NKAIN2: variants seen among roughly 807,000 people sequenced by gnomAD.
NKAIN2 encodes sodium/potassium-transporting ATPase subunit beta-1-interacting protein 2.
NKAIN2 carries 14 observed loss-of-function variants against 32.6 expected under a neutral mutation model. That is an observed-to-expected ratio of 0.43 (90% CI 0.28 to 0.67). The LOEUF is 0.67. NKAIN2 is among the 30% of genes least tolerant of loss of function. The pLI, the probability that NKAIN2 is intolerant of heterozygous loss-of-function variation, is 0.17. For synonymous variants in NKAIN2, 80 were observed against 87.2 expected (o/e 0.92, Z 0.46); for missense variants, 198 against 258.3 (o/e 0.77, Z 1.60).
At chr6:124,779,462 T>G (rs1445791073) in intron 4 of NKAIN2, among the ~76,000 whole-genome samples, 1 of 152,176 alleles carries the variant, frequency 6.6e-6, no homozygotes, top group African/African-American at 2.4e-5. Flanking sequence ...AGATTGGAAG[T>G]AACTGAAAAT....
intron 3 of NKAIN2, among the ~76,000 whole-genome samples, chr6:124,639,012 G>C (rs1029210791): frequency 3.3e-5 from 5 of 151,434 alleles, no homozygotes; most frequent in African/African-American, 4.9e-5. Flanking sequence ...AGGGAAAAGT[G>C]AATCAAAACC....
intron 3 of NKAIN2, among the ~76,000 whole-genome samples, chr6:124,599,244 A>T (rs1307854754): frequency 6.6e-6 from 1 of 151,804 alleles, no homozygotes; most frequent in African/African-American, 2.4e-5. Flanking sequence ...AAAAATAAAA[A>T]CTCAAAAAAA....
At chr6:124,459,073 T>A (rs377602959) in intron 3 of NKAIN2, among the ~76,000 whole-genome samples, 1 of 151,866 alleles carries the variant, frequency 6.6e-6, no homozygotes, top group Non-Finnish European at 1.5e-5. Context: ...AAGGCAAGTA[T>A]AATGTGGGTA....
chr6:124,678,003 G>GT (rs923280128), intron 4 of NKAIN2, among the ~76,000 whole-genome samples: 13 of 151,372 alleles, frequency 8.6e-5, no homozygotes, highest in Admixed American at 3.9e-4. Context: ...TGCTGGTAGT[G>GT]TTTTTTTTCT....
chr6:124,124,687 T>C (rs1786073612), intron 1 of NKAIN2, among the ~76,000 whole-genome samples: 1 of 152,126 alleles, frequency 6.6e-6, no homozygotes, highest in Admixed American at 6.6e-5. Flanking sequence ...CGCCTGTCTT[T>C]GTATTGTTTT....
At chr6:124,317,429 G>A (rs532217187) in intron 2 of NKAIN2, among the ~76,000 whole-genome samples, 1 of 152,116 alleles carries the variant, frequency 6.6e-6, no homozygotes, top group South Asian at 2.1e-4. Flanking sequence ...TAGACATTTG[G>A]TACTGATTCA....
At chr6:124,250,710 G>A (rs923930349) in intron 1 of NKAIN2, among the ~76,000 whole-genome samples, 5 of 152,060 alleles carry the variant, frequency 3.3e-5, no homozygotes, top group South Asian at 2.1e-4. Flanking sequence ...CACATAAAAG[G>A]AATATGATTG....
At position 124,286,013 on chromosome 6, in the gene NKAIN2, T is replaced by C. The variant is rs1056306910; in HGVS notation, c.192+2871T>C. 4.8e-4 allele frequency among the ~76,000 whole-genome samples: 73 copies of C among 152,182 alleles called. 2 individuals carry two copies. The highest frequency in any genetic ancestry group is 1.8e-4 in the Non-Finnish European group (12 of 68,018). Reference sequence around the variant, plus strand: ...TTTTATATTTGCCATATTTTCTCTGTAATATTTTTACATTATAAAATAGCT... The same window carrying C: ...TTTTATATTTGCCATATTTTCTCTGCAATATTTTTACATTATAAAATAGCT... On this transcript the variant is annotated intron_variant, in intron 2 of 6. Transcript: ENST00000368417.
chr6:123,915,099 G>C (rs1775421536), intron 1 of NKAIN2, among the ~76,000 whole-genome samples: 1 of 152,158 alleles, frequency 6.6e-6, no homozygotes, highest in Non-Finnish European at 1.5e-5. Flanking sequence ...TCCAGCTCAG[G>C]TTAGGAGATA....
At chr6:124,071,068 G>A (rs745395392) in intron 1 of NKAIN2, among the ~76,000 whole-genome samples, 4 of 152,106 alleles carry the variant, frequency 2.6e-5, no homozygotes, top group South Asian at 2.1e-4. Context: ...TTTCTAAAAC[G>A]TGTAAAAGAT....
intron 3 of NKAIN2, among the ~76,000 whole-genome samples, chr6:124,425,982 C>T (rs538146212): frequency 4.6e-5 from 7 of 152,198 alleles, no homozygotes; most frequent in African/African-American, 1.7e-4. Context: ...CCAATAAATC[C>T]TTAATAGCAA....
chr6:124,512,470 T>C (rs1344290797), intron 3 of NKAIN2, among the ~76,000 whole-genome samples: 1 of 152,216 alleles, frequency 6.6e-6, no homozygotes, highest in African/African-American at 2.4e-5. Context: ...ACTTCAATTA[T>C]CTGTATTTTA....
chr6:124,308,721 A>G (rs1013840613), intron 2 of NKAIN2, among the ~76,000 whole-genome samples: 1 of 152,004 alleles, frequency 6.6e-6, no homozygotes, highest in Non-Finnish European at 1.5e-5. Flanking sequence ...GTTGGTACCT[A>G]TTTCATTTCC....
At chr6:123,955,430 A>C (rs1393405482) in intron 1 of NKAIN2, among the ~76,000 whole-genome samples, 1 of 151,880 alleles carries the variant, frequency 6.6e-6, no homozygotes, top group African/African-American at 2.4e-5. Context: ...TCAATTGCTT[A>C]GAATTTAAAT....
chr6:123,965,735 A>G (rs1389863628), intron 1 of NKAIN2, among the ~76,000 whole-genome samples: 1 of 152,176 alleles, frequency 6.6e-6, no homozygotes, highest in Non-Finnish European at 1.5e-5. Flanking sequence ...TTCAAATGCC[A>G]CTTTATCCAC....
chr6:124,687,597 A>G (rs1242559358), intron 4 of NKAIN2, among the ~76,000 whole-genome samples: 29 of 128,230 alleles, frequency 2.3e-4, no homozygotes, highest in Non-Finnish European at 2.7e-4. Flanking sequence ...ATAAATATAT[A>G]TTATGTATAT....
At chr6:124,160,132 A>G (rs1788196951) in intron 1 of NKAIN2, among the ~76,000 whole-genome samples, 1 of 152,162 alleles carries the variant, frequency 6.6e-6, no homozygotes, top group African/African-American at 2.4e-5. Context: ...CTTCCAGATA[A>G]TATACCTAGT....
intron 1 of NKAIN2, among the ~76,000 whole-genome samples, chr6:124,019,545 G>A (rs1291272405): frequency 1.3e-5 from 2 of 152,018 alleles, no homozygotes; most frequent in Admixed American, 6.6e-5. Flanking sequence ...ATCTTTATGA[G>A]TCTACTTGCC....
chr6:123,988,177 A>G (rs895137259), intron 1 of NKAIN2, among the ~76,000 whole-genome samples: 1 of 152,360 alleles, frequency 6.6e-6, no homozygotes, highest in Admixed American at 6.5e-5. Context: ...AAAGATATCA[A>G]TAAGGAATGT....
Sources: gnomAD v4.1 joint callset for allele counts (sites outside exome capture counted in the v4.1 genomes callset) on GRCh38, gnomAD v4.1.1 for gene constraint, MANE v1.5 for transcripts, NCBI Gene and HGNC (gene_info 2026-07-23, HGNC 2026-07-21) for gene names.